TASP1: variants seen among roughly 807,000 people sequenced by gnomAD.
TASP1 encodes the protein taspase 1, also known as threonine aspartase 1.
TASP1 carries 16 observed loss-of-function variants against 56.6 expected under a neutral mutation model. The ratio of observed to expected loss-of-function variants is 0.28; its 90% CI spans 0.19 to 0.43. The LOEUF (loss-of-function observed/expected upper bound fraction) is 0.43. Among genes scored for constraint, TASP1 ranks in the 20% least tolerant of loss-of-function variants. The pLI is 1.00. For missense variants in TASP1, 393 were observed against 511.6 expected, an observed-to-expected ratio of 0.77 and a Z score of 2.24; for synonymous variants, 179 against 184.2, an observed-to-expected ratio of 0.97 and a Z score of 0.23.
chr20:13,270,756 A>C, the TASP1 span: 1 of 1,611,354 alleles, frequency 6.2e-7, no homozygotes, highest in Non-Finnish European at 8.5e-7. Context: ...AATTCTTGGC[A>C]CCTGGAAGAT....
chr20:13,399,671 T>G (rs545140273), intron 13 of TASP1, among the ~76,000 whole-genome samples: 1 of 152,304 alleles, frequency 6.6e-6, no homozygotes, highest in East Asian at 1.9e-4. Flanking sequence ...TTATTATCAC[T>G]CACCTCTATG....
chr20:13,619,614 C>G (rs1721074537), intron 4 of TASP1, among the ~76,000 whole-genome samples: 1 of 152,120 alleles, frequency 6.6e-6, no homozygotes, highest in Non-Finnish European at 1.5e-5. Flanking sequence ...GTGAAATATG[C>G]AAAATTATGG....
chr20:13,492,107 C>CAAA (rs1481791717), intron 10 of TASP1, among the ~76,000 whole-genome samples: 1 of 152,186 alleles, frequency 6.6e-6, no homozygotes, highest in East Asian at 1.9e-4. Flanking sequence ...CAGCCTCCTA[C>CAAA]AAAAGCACAG....
At chr20:13,322,334 A>C in the TASP1 span, among the ~76,000 whole-genome samples, 1 of 152,176 alleles carries the variant, frequency 6.6e-6, no homozygotes, top group South Asian at 2.1e-4. Flanking sequence ...TTGTTCTAAG[A>C]GAAAAGACAC....
chr20:13,569,381 T>C, intron 7 of TASP1, 126 bp downstream of exon 7: 1 of 671,162 alleles, frequency 1.5e-6, no homozygotes, highest in Non-Finnish European at 2.3e-6. Flanking sequence ...AGCTTTTAAC[T>C]ACAAATCTTT....
At chr20:13,391,068 C>G (rs1212638659) in intron 13 of TASP1, among the ~76,000 whole-genome samples, 1 of 152,184 alleles carries the variant, frequency 6.6e-6, no homozygotes, top group Non-Finnish European at 1.5e-5. Flanking sequence ...TGCCCTGTCT[C>G]TCAGTTTCCT....
chr20:13,289,061 C>A, the TASP1 span, among the ~76,000 whole-genome samples: 351 of 152,330 alleles, frequency 2.3e-3, 2 homozygotes, highest in African/African-American at 8.2e-3. Context: ...GCTGGGATTA[C>A]AGGCATGAGG....
intron 8 of TASP1, among the ~76,000 whole-genome samples, chr20:13,536,053 C>A (rs547264498): frequency 8.5e-5 from 13 of 152,100 alleles, no homozygotes; most frequent in South Asian, 2.1e-4. Context: ...AATTTTATAT[C>A]TTTGCAATCT....
chr20:13,479,347 C>T (rs1236233087), intron 11 of TASP1, among the ~76,000 whole-genome samples: 1 of 152,078 alleles, frequency 6.6e-6, no homozygotes, highest in Admixed American at 6.5e-5. Flanking sequence ...TGGTTGCTAG[C>T]TTACCTCCAT....
the TASP1 span, among the ~76,000 whole-genome samples, chr20:13,134,098 G>T: frequency 6.6e-6 from 1 of 152,200 alleles, no homozygotes; most frequent in African/African-American, 2.4e-5. Flanking sequence ...TCACGGTCAG[G>T]TGTACGTACC....
intron 7 of TASP1, among the ~76,000 whole-genome samples, chr20:13,564,321 G>A (rs1363688073): frequency 1.3e-5 from 2 of 152,006 alleles, no homozygotes; most frequent in Non-Finnish European, 2.9e-5. Flanking sequence ...AATTAAGAAA[G>A]CAATCCCATT....
At chr20:13,473,005 T>C (rs946687451) in intron 11 of TASP1, among the ~76,000 whole-genome samples, 19 of 152,120 alleles carry the variant, frequency 1.2e-4, no homozygotes, top group African/African-American at 4.6e-4. Context: ...CAAAGGATTA[T>C]AGAAACATGC....
intron 4 of TASP1, among the ~76,000 whole-genome samples, chr20:13,617,727 G>A (rs923257122): frequency 3.3e-5 from 5 of 152,128 alleles, no homozygotes; most frequent in Non-Finnish European, 5.9e-5. Context: ...CTCCTTTTCT[G>A]CAATAAAAAC....
At chr20:13,620,145 C>T (rs1451529456) in intron 4 of TASP1, among the ~76,000 whole-genome samples, 1 of 151,974 alleles carries the variant, frequency 6.6e-6, no homozygotes, top group Non-Finnish European at 1.5e-5. Flanking sequence ...CATCATTTGT[C>T]TGCAGTGGTG....
intron 13 of TASP1, chr20:13,393,220 C>A (rs2123580511): frequency 1.4e-6 from 1 of 726,458 alleles, no homozygotes; most frequent in South Asian, 1.4e-5. Flanking sequence ...GCTATCACTG[C>A]CACCCAGAAG....
chr20:13,495,232 G>C (rs1456609705), intron 10 of TASP1, among the ~76,000 whole-genome samples: 4 of 152,078 alleles, frequency 2.6e-5, no homozygotes, highest in Non-Finnish European at 4.4e-5. Context: ...AAGGAAGTTT[G>C]AGCCAATGTT....
chr20:13,490,135 C>T (rs1048479509), intron 10 of TASP1, among the ~76,000 whole-genome samples: 6 of 151,974 alleles, frequency 3.9e-5, no homozygotes, highest in Non-Finnish European at 5.9e-5. Context: ...CAGCAATACA[C>T]GAAAAAGATC....
the TASP1 span, among the ~76,000 whole-genome samples, chr20:13,131,937 G>A: frequency 5.9e-5 from 9 of 151,864 alleles, no homozygotes; most frequent in South Asian, 1.3e-3. Context: ...CCCTCCCCTC[G>A]CTCAGCCTAC....
the TASP1 span, among the ~76,000 whole-genome samples, chr20:13,323,915 T>C: frequency 5.9e-5 from 9 of 152,234 alleles, no homozygotes; most frequent in African/African-American, 1.9e-4. Context: ...ATAGCCTGAA[T>C]GATAAGAAAT....
Sources: allele counts gnomAD v4.1 joint callset (sites outside exome capture counted in the v4.1 genomes callset), GRCh38; gene constraint gnomAD v4.1.1; transcripts MANE v1.5; gene names NCBI Gene and HGNC (gene_info 2026-07-23, HGNC 2026-07-21).